RBM25: variants seen among roughly 807,000 people sequenced by gnomAD.
RBM25 encodes the protein RNA-binding protein 25.
Under a neutral mutation model 120.7 loss-of-function variants are expected in RBM25, and 19 were observed. The observed-to-expected ratio is 0.16, with a 90% CI of 0.11 to 0.23. The LOEUF (loss-of-function observed/expected upper bound fraction) is 0.23. Ranked by LOEUF, RBM25 falls within the 10% of genes least tolerant of loss-of-function variation. The pLI is 1.00. For missense variants in RBM25, 605 were observed against 1,041.5 expected, an observed-to-expected ratio of 0.58 and a Z score of 5.77; for synonymous variants, 390 against 326.7, an observed-to-expected ratio of 1.19 and a Z score of -2.09.
At chr14:73,096,890 C>G (rs772386351) in intron 6 of RBM25, 25 bp from the exon 7 acceptor site, 1 of 1,596,308 alleles carries the variant, frequency 6.3e-7, no homozygotes, top group East Asian at 2.2e-5. Flanking sequence ...TTTTTCTTTC[C>G]CCTGAATTTG....
intron 18 of RBM25, among the ~76,000 whole-genome samples, chr14:73,118,753 T>A (rs558881741): frequency 6.6e-6 from 1 of 152,184 alleles, no homozygotes; most frequent in South Asian, 2.1e-4. Context: ...GTTGTCGTTG[T>A]TAATTTACAT....
intron 4 of RBM25, among the ~76,000 whole-genome samples, chr14:73,082,918 A>AC (rs1276725813): frequency 4.0e-5 from 6 of 151,640 alleles, no homozygotes; most frequent in South Asian, 2.1e-4. Flanking sequence ...AAAAAAAAAA[A>AC]AACAAAAAAC....
chr14:73,068,430 T>C (rs796542794), intron 1 of RBM25: 6 of 702,938 alleles, frequency 8.5e-6, no homozygotes, highest in African/African-American at 3.5e-5. Flanking sequence ...ATCTGAGACT[T>C]ATTCAGACTA....
At position 73,099,625 on chromosome 14, in the gene RBM25, G is replaced by C. The variant is rs769114509; in HGVS notation, c.784-42G>C. ...CCTTTAACTGTTTATATTGAAGTAG[G>C]GTGTTCTTTATTCATTCCCTCCTGT... On this transcript the variant is annotated intron_variant, in intron 8 of 18. Coordinates refer to ENST00000261973, the MANE Select transcript of RBM25 (RefSeq NM_021239.3). The C allele has an allele frequency of 3.1e-6, 5 of 1,587,866 alleles. No individual in the cohort carries two copies. In the Admixed American group the frequency reaches 5.9e-5, roughly 19 times the overall value.
At chr14:73,103,112 A>G (rs998078690) in intron 9 of RBM25, 80 bp from the exon 10 acceptor site, 1 of 1,529,682 alleles carries the variant, frequency 6.5e-7, no homozygotes, top group East Asian at 2.3e-5. Flanking sequence ...TTTTGTTCCC[A>G]GTACTGGGCT....
chr14:73,113,511 T>G (rs1325082096), intron 17 of RBM25, among the ~76,000 whole-genome samples: 4 of 151,644 alleles, frequency 2.6e-5, no homozygotes, highest in African/African-American at 9.7e-5. Flanking sequence ...GCCAATATGG[T>G]AAAACCCCGC....
chr14:73,117,353 T>A (rs1896457513), intron 18 of RBM25, among the ~76,000 whole-genome samples: 1 of 150,280 alleles, frequency 6.7e-6, no homozygotes, highest in African/African-American at 2.4e-5. Flanking sequence ...TGCTTCAGCC[T>A]CCCAAGTAGT....
chr14:73,111,279 T>G, intron 15 of RBM25, 124 bp downstream of exon 15: 1 of 943,418 alleles, frequency 1.1e-6, no homozygotes, highest in Non-Finnish European at 1.5e-6. Context: ...TACTAAAAAA[T>G]GCCTTTCTAG....
At chr14:73,079,173 G>A (rs1224576541) in intron 4 of RBM25, among the ~76,000 whole-genome samples, 1 of 150,034 alleles carries the variant, frequency 6.7e-6, no homozygotes, top group South Asian at 2.1e-4. Context: ...CTGTAATCCC[G>A]GCACTTTGCG....
chr14:73,059,231 C>T (rs1168646420), intron 1 of RBM25: 1 of 152,184 alleles, frequency 6.6e-6, no homozygotes, highest in African/African-American at 2.4e-5. Context: ...AGCCCGCCAC[C>T]AAGTGAACTG....
At chr14:73,069,751 A>AAAAAAAAAAAG (rs1895233152) in intron 1 of RBM25, 4 of 42,412 alleles carry the variant, frequency 9.4e-5, no homozygotes, top group Non-Finnish European at 1.3e-4. Flanking sequence ...TTTCTTAAAA[A>AAAAAAAAAAAG]AAAAAAAAAA....
intron 10 of RBM25, among the ~76,000 whole-genome samples, chr14:73,104,527 G>A (rs577299191): frequency 4.4e-4 from 67 of 151,882 alleles, no homozygotes; most frequent in African/African-American, 1.6e-3. Flanking sequence ...CACTGTCCCG[G>A]ACTAATTTTT....
At position 73,123,877 on chromosome 14, in the gene RBM25, C is replaced by T. The variant is rs979214972; in HGVS notation, c.*4072C>T. On this transcript the variant is annotated 3_prime_UTR_variant, in exon 19 of 19. Coordinates refer to ENST00000261973, the MANE Select transcript of RBM25 (RefSeq NM_021239.3). ...ACAAAAATAAAAATTCTTTTCAAGC[C>T]ATGTTGTTTGAATTAAATGACACTC... The T allele has an allele frequency of 8.0e-5, 12 of 150,308 alleles. No individual in the cohort carries two copies. The highest frequency in any genetic ancestry group is 2.9e-4 in the African/African-American group (12 of 40,922). The allele number at this position is 150,308 out of a possible 1,614,324, so 9.3% of individuals were successfully genotyped here.
chr14:73,105,814 CAG>C (rs747836570), intron 10 of RBM25, 43 bp from the exon 11 acceptor site: 23 of 1,583,978 alleles, frequency 1.5e-5, no homozygotes, highest in African/African-American at 2.7e-5. Flanking sequence ...GTCTTGAAAA[CAG>C]AAAGTAGACT....
chr14:73,099,707 A>G lies in RBM25; in HGVS notation c.824A>G (p.Asp275Gly). ...ATAGAAATGGAAGAAGACAAAAGAG[A>G]CCTGATATCTCGAGAGATCAGCAAA... The part of the protein sequence containing the change: ...NAIEMEEDKR[D>G]LISREISKFR... Residue 275 changes from aspartate (D) to glycine (G), a missense_variant, in exon 9 of 19, where the codon GAC becomes GGC. Around this residue, in one of 4 missense-constraint regions of RBM25, gnomAD observed 465 missense variants for 741.6 expected, o/e 0.63. Transcript: ENST00000261973. The G allele has an allele frequency of 6.2e-7, 1 of 1,608,224 alleles. No homozygotes were observed. Among genetic ancestry groups the G allele is most frequent in the Non-Finnish European group, 8.5e-7 (1 of 1,178,630 alleles).
intron 7 of RBM25, among the ~76,000 whole-genome samples, chr14:73,098,199 G>A (rs1895989498): frequency 6.6e-6 from 1 of 152,152 alleles, no homozygotes; most frequent in Non-Finnish European, 1.5e-5. Context: ...GCGCAATTAC[G>A]GCTCACTGCA....
At chr14:73,110,303 C>T (rs904024842) in intron 14 of RBM25, among the ~76,000 whole-genome samples, 14 of 151,910 alleles carry the variant, frequency 9.2e-5, no homozygotes, top group African/African-American at 2.4e-4. Flanking sequence ...GCCTCTACCT[C>T]GTGAGTATCT....
At chr14:73,080,031 T>C (rs1895520627) in intron 4 of RBM25, among the ~76,000 whole-genome samples, 1 of 150,188 alleles carries the variant, frequency 6.7e-6, no homozygotes, top group Non-Finnish European at 1.5e-5. Flanking sequence ...TGTTTTGCTA[T>C]GTTATTACTG....
At chr14:73,092,990 A>G (rs1895852518) in intron 6 of RBM25, among the ~76,000 whole-genome samples, 1 of 152,104 alleles carries the variant, frequency 6.6e-6, no homozygotes, top group Non-Finnish European at 1.5e-5. Flanking sequence ...TCCATTTCTT[A>G]TTGACCTCTA....
Sources: gnomAD v4.1 joint callset for allele counts (sites outside exome capture counted in the v4.1 genomes callset) on GRCh38, gnomAD v4.1.1 for gene constraint, gnomAD v4.1.1 regional missense constraint, MANE v1.5 for transcripts, NCBI Gene and HGNC (gene_info 2026-07-23, HGNC 2026-07-21) for gene names.